Variants in FANCC observed in about 807,000 individuals in gnomAD.
The protein encoded by FANCC is FA complementation group C, also known as Fanconi anemia group C protein.
Under a neutral mutation model 71.3 loss-of-function variants are expected in FANCC, and 55 were observed. The observed-to-expected ratio is 0.77, with a 90% CI of 0.62 to 0.97. FANCC has a LOEUF of 0.97. Among genes scored for constraint, FANCC ranks in the 50% least tolerant of loss-of-function variants. The probability of loss-of-function intolerance (pLI) is 0.00; values close to 1 mark genes in which losing one functional copy is unlikely to be tolerated. For missense variants in FANCC, 678 were observed against 670.9 expected (o/e 1.01, Z -0.12); for synonymous variants, 275 against 244.9 (o/e 1.12, Z -1.15).
intron 1 of FANCC, among the ~76,000 whole-genome samples, chr9:95,283,551 A>C (rs761711789): frequency 7.2e-5 from 11 of 152,214 alleles, no homozygotes; most frequent in Non-Finnish European, 1.6e-4. Context: ...TTTTGTTTCA[A>C]ACACTTTCTT....
At chr9:95,255,970 G>A (rs1213251805) in intron 1 of FANCC, among the ~76,000 whole-genome samples, 1 of 151,552 alleles carries the variant, frequency 6.6e-6, no homozygotes, top group Non-Finnish European at 1.5e-5. Flanking sequence ...AAAGCATGAA[G>A]AGAAGGTTAG....
chr9:95,147,766 C>G (rs1263407287), intron 7 of FANCC, among the ~76,000 whole-genome samples: 2 of 152,064 alleles, frequency 1.3e-5, no homozygotes, highest in Admixed American at 1.3e-4. Context: ...CATTCAGAGT[C>G]TGAAGAAAAA....
At chr9:95,159,367 C>A (rs1179236149) in intron 6 of FANCC, among the ~76,000 whole-genome samples, 1 of 152,144 alleles carries the variant, frequency 6.6e-6, no homozygotes, top group Non-Finnish European at 1.5e-5. Flanking sequence ...TGAACTCATC[C>A]TTTTTTATGG....
intron 1 of FANCC, among the ~76,000 whole-genome samples, chr9:95,252,895 A>AT (rs977595947): frequency 0.011 from 1,670 of 147,990 alleles, 29 homozygotes; most frequent in African/African-American, 0.039. Flanking sequence ...AAAAAAAAAA[A>AT]TTTTTTTTTT....
chr9:95,239,101 T>C (rs149123849), intron 4 of FANCC, among the ~76,000 whole-genome samples: 33 of 152,270 alleles, frequency 2.2e-4, no homozygotes, highest in Non-Finnish European at 4.6e-4. Context: ...CCTAACTCTA[T>C]CCTTGCTCTC....
chr9:95,309,831 A>T (rs947700204), intron 1 of FANCC, among the ~76,000 whole-genome samples: 3 of 152,146 alleles, frequency 2.0e-5, no homozygotes, highest in Admixed American at 6.5e-5. Flanking sequence ...ATCCAGCATG[A>T]CAGGTGCTCA....
rs759524524 is a variant in FANCC at position 95,123,552 on chromosome 9, C to A, written c.996+1534G>T. 10 of 541,506 alleles carry A rather than the reference C, an allele frequency of 1.8e-5. 1 individual carries two copies. Among genetic ancestry groups the A allele is most frequent in the South Asian group, 1.3e-4 (9 of 71,292 alleles). 33.5% of individuals were successfully genotyped at this position (541,506 alleles called of 1,614,324 possible). On this transcript the variant is annotated intron_variant, in intron 10 of 14. Transcript: ENST00000289081. ...AAAAAAAGAAGGAACAACGGTCGTA[C>A]CAAAAAGGGCCGCGGCCACGTGCAG... is the stretch of plus-strand genomic sequence containing the variant.
At chr9:95,310,357 T>G (rs940765533) in intron 1 of FANCC, among the ~76,000 whole-genome samples, 6 of 150,934 alleles carry the variant, frequency 4.0e-5, no homozygotes, top group African/African-American at 1.5e-4. Context: ...GGCAAGACCC[T>G]GTTTCAAAAG....
At chr9:95,165,873 G>A (rs1014899343) in intron 6 of FANCC, among the ~76,000 whole-genome samples, 2 of 151,948 alleles carry the variant, frequency 1.3e-5, no homozygotes, top group Non-Finnish European at 1.5e-5. Context: ...TAAAAGTGGG[G>A]TGGTGAAATC....
At chr9:95,228,760 G>A (rs1306582007) in intron 4 of FANCC, among the ~76,000 whole-genome samples, 2 of 152,198 alleles carry the variant, frequency 1.3e-5, no homozygotes, top group Non-Finnish European at 2.9e-5. Flanking sequence ...GAGGAGCAGT[G>A]TTGTTCTCGG....
At chr9:95,255,468 A>C (rs1281062334) in intron 1 of FANCC, among the ~76,000 whole-genome samples, 1 of 152,228 alleles carries the variant, frequency 6.6e-6, no homozygotes, top group Non-Finnish European at 1.5e-5. Flanking sequence ...GACTGTTAGA[A>C]GGAAAACTAA....
In FANCC at chr9:95,276,425, T is replaced by C. The variant is rs575828688; in HGVS notation, c.-78-27056A>G. Among the ~76,000 whole-genome samples, 15 of 152,312 alleles carry C rather than the reference T, an allele frequency of 9.8e-5. No individual in the cohort carries two copies. In the South Asian group the frequency reaches 2.7e-3, roughly 27 times the overall value. On this transcript the variant is annotated intron_variant, in intron 1 of 14. Coordinates refer to ENST00000289081, the MANE Select transcript of FANCC (RefSeq NM_000136.3). ...AATCCTTTTCTGGTCACAGGGAGCT[T>C]GGTCTTTCTCTGTCCCTTGCCTACC...
At position 95,101,703 on chromosome 9, in the gene FANCC, C is replaced by G; in HGVS notation, c.*4G>C. The G allele has an allele frequency of 6.2e-7, 1 of 1,613,796 alleles. No homozygotes were observed. The highest frequency in any genetic ancestry group is 1.1e-5 in the South Asian group (1 of 91,050). The stretch of plus-strand genomic sequence containing the variant: ...GCCGGGCACCCACACGGCCTGCGTG[C>G]CTTCTAGACTTGAGTTCGCAGCTCT... On this transcript the variant is annotated 3_prime_UTR_variant, in exon 15 of 15. Transcript: ENST00000289081.
intron 4 of FANCC, among the ~76,000 whole-genome samples, chr9:95,232,198 A>C (rs1268478417): frequency 6.6e-6 from 1 of 152,204 alleles, no homozygotes; most frequent in African/African-American, 2.4e-5. Context: ...AGACCTCGCA[A>C]GAACTAGTAG....
At chr9:95,282,114 T>C (rs1035832617) in intron 1 of FANCC, among the ~76,000 whole-genome samples, 1 of 151,634 alleles carries the variant, frequency 6.6e-6, no homozygotes, top group Non-Finnish European at 1.5e-5. Flanking sequence ...AGTAGCTAAA[T>C]GGATTTAAAA....
intron 13 of FANCC, chr9:95,107,652 G>A: frequency 2.6e-6 from 1 of 382,954 alleles, no homozygotes; most frequent in South Asian, 2.5e-5. Context: ...CACGCAGTCA[G>A]ACCTCCGCCG....
At chr9:95,155,124 T>C (rs1830382404) in intron 6 of FANCC, among the ~76,000 whole-genome samples, 1 of 149,526 alleles carries the variant, frequency 6.7e-6, no homozygotes, top group African/African-American at 2.5e-5. Context: ...GGAGGATGGC[T>C]TGAGTCCAGG....
intron 8 of FANCC, among the ~76,000 whole-genome samples, chr9:95,127,731 C>A (rs945638877): frequency 6.6e-6 from 1 of 152,230 alleles, no homozygotes; most frequent in Admixed American, 6.5e-5. Flanking sequence ...AAAAAGGAGG[C>A]GCTCTGCTCC....
chr9:95,251,137 C>T (rs989303859), intron 1 of FANCC, among the ~76,000 whole-genome samples: 3 of 152,106 alleles, frequency 2.0e-5, no homozygotes, highest in South Asian at 4.1e-4. Context: ...ACTTAGTTAC[C>T]GCTTCCTCTA....
Sources: allele counts gnomAD v4.1 joint callset (sites outside exome capture counted in the v4.1 genomes callset), GRCh38; gene constraint gnomAD v4.1.1; transcripts MANE v1.5; gene names NCBI Gene and HGNC (gene_info 2026-07-23, HGNC 2026-07-21).